Variants in TMTC2 observed in about 807,000 individuals in gnomAD.
TMTC2 encodes protein O-mannosyl-transferase TMTC2.
TMTC2 carries 43 observed loss-of-function variants against 82.4 expected under a neutral mutation model. The observed-to-expected ratio is 0.52, with a 90% CI of 0.41 to 0.67. The LOEUF is 0.67. Ranked by LOEUF, TMTC2 falls within the 30% of genes least tolerant of loss-of-function variation. The pLI is 0.00. For synonymous variants in TMTC2, 408 were observed against 381.9 expected (o/e 1.07, Z -0.80); for missense variants, 919 against 1,012.4 (o/e 0.91, Z 1.25).
rs973714386 is a variant in TMTC2 at position 82,821,804 on chromosome 12, C to T, written c.84-35206C>T. ...CAGATAAGTGCTTAAACCTGGGAGA[C>T]GGAGGTTGGAGACCGAGGTTGCAGT... On this transcript the variant is annotated intron_variant, in intron 1 of 11. Transcript: ENST00000321196. Among the ~76,000 whole-genome samples the T allele has an allele frequency of 3.4e-5, 5 of 148,160 alleles. 1 individual carries two copies. Among genetic ancestry groups the T allele is most frequent in the South Asian group, 4.3e-4 (2 of 4,686 alleles).
At chr12:83,018,288 T>C (rs886971424) in intron 8 of TMTC2, among the ~76,000 whole-genome samples, 7 of 152,128 alleles carry the variant, frequency 4.6e-5, no homozygotes, top group Non-Finnish European at 7.4e-5. Flanking sequence ...AAGACAGCTT[T>C]TCTTACCATC....
At chr12:82,735,076 G>A (rs538153289) in intron 1 of TMTC2, among the ~76,000 whole-genome samples, 3 of 152,306 alleles carry the variant, frequency 2.0e-5, no homozygotes, top group East Asian at 3.9e-4. Context: ...CTAAACCACA[G>A]GGCTGAGACT....
chr12:82,780,284 T>G (rs117912060), intron 1 of TMTC2, among the ~76,000 whole-genome samples: 4,319 of 152,266 alleles, frequency 0.028, 101 homozygotes, highest in Non-Finnish European at 0.043. Context: ...AACTGACCAT[T>G]CTGATATCTA....
intron 11 of TMTC2, among the ~76,000 whole-genome samples, chr12:83,096,047 A>T (rs1284146557): frequency 1.3e-5 from 2 of 152,238 alleles, no homozygotes; most frequent in South Asian, 2.1e-4. Flanking sequence ...ATGCAAACAG[A>T]TTACTTGAAT....
At chr12:82,785,095 G>A (rs1374753696) in intron 1 of TMTC2, among the ~76,000 whole-genome samples, 1 of 152,024 alleles carries the variant, frequency 6.6e-6, no homozygotes, top group Non-Finnish European at 1.5e-5. Flanking sequence ...TCATGTATAG[G>A]ATTCATAGAG....
At chr12:82,766,300 C>A (rs1372328668) in intron 1 of TMTC2, among the ~76,000 whole-genome samples, 1 of 152,162 alleles carries the variant, frequency 6.6e-6, no homozygotes. Flanking sequence ...TCTGTGACTA[C>A]ATTCTTCCAT....
At chr12:82,981,858 C>G (rs982079048) in intron 7 of TMTC2, among the ~76,000 whole-genome samples, 1 of 151,840 alleles carries the variant, frequency 6.6e-6, no homozygotes, top group African/African-American at 2.4e-5. Context: ...ATATACCACT[C>G]TGTCCTAAAA....
chr12:82,718,029 A>T (rs569231957), intron 1 of TMTC2, among the ~76,000 whole-genome samples: 3 of 152,324 alleles, frequency 2.0e-5, no homozygotes, highest in South Asian at 4.1e-4. Flanking sequence ...ATAAATGAGA[A>T]CTTAACCCAT....
chr12:82,845,869 A>G (rs1050806386), intron 1 of TMTC2, among the ~76,000 whole-genome samples: 7 of 151,300 alleles, frequency 4.6e-5, no homozygotes, highest in African/African-American at 7.3e-5. Context: ...AGGTAACTCA[A>G]GTTTTAATTA....
At chr12:82,937,732 G>GTGTGTGTGGA (rs1876400683) in intron 4 of TMTC2, among the ~76,000 whole-genome samples, 3 of 27,118 alleles carry the variant, frequency 1.1e-4, no homozygotes, top group African/African-American at 2.6e-4. Flanking sequence ...GTGTGTGGAT[G>GTGTGTGTGGA]TGTGTGTGTG....
At chr12:82,897,019 G>A (rs998580194) in intron 3 of TMTC2, among the ~76,000 whole-genome samples, 1 of 152,140 alleles carries the variant, frequency 6.6e-6, no homozygotes, top group African/African-American at 2.4e-5. Flanking sequence ...CTATCCCACT[G>A]AAGTATACTT....
intron 4 of TMTC2, among the ~76,000 whole-genome samples, chr12:82,945,710 T>C (rs1007620506): frequency 6.6e-6 from 1 of 152,240 alleles, no homozygotes; most frequent in Non-Finnish European, 1.5e-5. Context: ...TTTATTTGTG[T>C]AGTTCCAATC....
At chr12:82,994,045 G>T (rs1425744564) in intron 8 of TMTC2, among the ~76,000 whole-genome samples, 2 of 152,084 alleles carry the variant, frequency 1.3e-5, no homozygotes, top group African/African-American at 4.8e-5. Context: ...GCCATTTGGG[G>T]TTGACCTCAT....
chr12:82,869,780 A>G (rs1872071688), intron 2 of TMTC2, among the ~76,000 whole-genome samples: 1 of 151,986 alleles, frequency 6.6e-6, no homozygotes, highest in Non-Finnish European at 1.5e-5. Context: ...TGGAGGCCGC[A>G]GTGAGCCATG....
intron 1 of TMTC2, among the ~76,000 whole-genome samples, chr12:82,814,223 G>A (rs1450371942): frequency 6.6e-6 from 1 of 152,088 alleles, no homozygotes; most frequent in Admixed American, 6.6e-5. Context: ...TGAATTTGAA[G>A]TAAGGGAAAA....
At chr12:82,725,441 G>A (rs547132489) in intron 1 of TMTC2, among the ~76,000 whole-genome samples, 1 of 152,182 alleles carries the variant, frequency 6.6e-6, no homozygotes, top group South Asian at 2.1e-4. Flanking sequence ...ATTTTGGGAT[G>A]GATAGTCTAC....
chr12:82,713,337 A>C (rs780381192), intron 1 of TMTC2, among the ~76,000 whole-genome samples: 2 of 152,148 alleles, frequency 1.3e-5, no homozygotes, highest in African/African-American at 2.4e-5. Context: ...AAAAACAAAA[A>C]AAAACAAAAA....
chr12:82,694,827 T>C (rs1182384213), intron 1 of TMTC2, among the ~76,000 whole-genome samples: 1 of 152,162 alleles, frequency 6.6e-6, no homozygotes, highest in Non-Finnish European at 1.5e-5. Flanking sequence ...GATCATAATT[T>C]GTTTAATTAG....
At chr12:82,925,129 A>G (rs1002619251) in intron 3 of TMTC2, among the ~76,000 whole-genome samples, 1 of 151,966 alleles carries the variant, frequency 6.6e-6, no homozygotes, top group Non-Finnish European at 1.5e-5. Flanking sequence ...GATCATACCT[A>G]TTTTCCTAAA....
Sources: gnomAD v4.1 joint callset for allele counts (sites outside exome capture counted in the v4.1 genomes callset) on GRCh38, gnomAD v4.1.1 for gene constraint, MANE v1.5 for transcripts, NCBI Gene and HGNC (gene_info 2026-07-23, HGNC 2026-07-21) for gene names.